TECPR2: variants seen among roughly 807,000 people sequenced by gnomAD.
TECPR2 encodes tectonin beta-propeller repeat containing 2, also known as tectonin beta-propeller repeat-containing protein 2.
TECPR2 carries 65 observed loss-of-function variants against 138.1 expected under a neutral mutation model. The observed-to-expected ratio is 0.47, with a 90% CI of 0.39 to 0.58. The LOEUF (loss-of-function observed/expected upper bound fraction) is 0.58, where lower values mean the gene tolerates loss of function less well. Ranked by LOEUF, TECPR2 falls within the 20% of genes least tolerant of loss-of-function variation. The pLI, the probability that TECPR2 is intolerant of heterozygous loss-of-function variation, is 0.00. For synonymous variants in TECPR2, 746 were observed against 749.8 expected (o/e 0.99, Z 0.08); for missense variants, 1,553 against 1,824.5 (o/e 0.85, Z 2.71).
intron 1 of TECPR2, among the ~76,000 whole-genome samples, chr14:102,368,488 G>A (rs554823182): frequency 9.2e-5 from 14 of 152,124 alleles, no homozygotes; most frequent in Non-Finnish European, 1.9e-4. Context: ...CTATAGCCAC[G>A]TGCCACTGCA....
At chr14:102,393,929 A>G (rs1468573432) in intron 2 of TECPR2, among the ~76,000 whole-genome samples, 1 of 152,218 alleles carries the variant, frequency 6.6e-6, no homozygotes, top group South Asian at 2.1e-4. Flanking sequence ...GTGCTATGAC[A>G]TGGCAAAATC....
intron 13 of TECPR2, among the ~76,000 whole-genome samples, chr14:102,447,963 G>A (rs981318950): frequency 5.3e-5 from 8 of 152,110 alleles, no homozygotes; most frequent in Non-Finnish European, 8.8e-5. Context: ...AGAAAAATGA[G>A]TTGTGTTTAC....
At chr14:102,477,764 G>A (rs1223808916) in intron 17 of TECPR2, among the ~76,000 whole-genome samples, 10 of 126,420 alleles carry the variant, frequency 7.9e-5, no homozygotes, top group East Asian at 2.4e-4. Flanking sequence ...GTTTTACCAC[G>A]TTAGCCAGGA....
chr14:102,404,195 C>T lies in TECPR2; in HGVS notation c.220-3143C>T, dbSNP rs1419290220. ...GTGGGATTACAGGCATGAATCACCCCGACTAGCCTGACTTAATATTGTTAA... is the reference window on the plus strand; with the variant it reads ...GTGGGATTACAGGCATGAATCACCCTGACTAGCCTGACTTAATATTGTTAA... On this transcript the variant is annotated intron_variant, in intron 2 of 19. Coordinates refer to ENST00000359520, the MANE Select transcript of TECPR2 (RefSeq NM_014844.5). Among the ~76,000 whole-genome samples the T allele has an allele frequency of 4.0e-5, 6 of 151,894 alleles. No homozygotes were observed. The East Asian group carries it at 1.2e-3, about 29-fold the overall frequency.
chr14:102,384,713 GTA>G (rs549603970), intron 2 of TECPR2, among the ~76,000 whole-genome samples: 3 of 147,646 alleles, frequency 2.0e-5, no homozygotes, highest in African/African-American at 2.5e-5. Context: ...GTGTGTGTGT[GTA>G]TATATATATA....
intron 2 of TECPR2, among the ~76,000 whole-genome samples, chr14:102,398,746 T>A (rs1398805423): frequency 2.0e-5 from 3 of 152,040 alleles, no homozygotes; most frequent in Admixed American, 6.6e-5. Context: ...TCTCAGGTCC[T>A]CGGGAGGCTA....
chr14:102,405,903 G>A (rs1959073015), intron 2 of TECPR2, among the ~76,000 whole-genome samples: 1 of 152,108 alleles, frequency 6.6e-6, no homozygotes, highest in African/African-American at 2.4e-5. Context: ...TGAAGATACT[G>A]TGTTAAGGAG....
chr14:102,381,284 G>A (rs1452147612), intron 2 of TECPR2, among the ~76,000 whole-genome samples: 2 of 152,160 alleles, frequency 1.3e-5, no homozygotes, highest in Non-Finnish European at 2.9e-5. Context: ...TTTTAAAGTG[G>A]CTGAGAGGCC....
rs778323946 is a variant in TECPR2 at position 102,443,812 on chromosome 14, A to G, written c.2918A>G (p.Lys973Arg). Reference protein sequence around the residue: ...SSFCPEGEQWKCDIVSERQAL... With the variant: ...SSFCPEGEQWRCDIVSERQAL... ...TTCTGTCCGGAAGGCGAGCAGTGGA[A>G]GTGTGACATTGTCAGGTACTGGCGG... Residue 973 changes from lysine (K) to arginine (R), a missense_variant, in exon 12 of 20, where the codon AAG (lysine) becomes AGG (arginine). Transcript: ENST00000359520. The surrounding 1 kb of genome is among the most constrained non-coding windows in gnomAD (Gnocchi z 4.9). 12 of 1,592,622 alleles carry G rather than the reference A, an allele frequency of 7.5e-6. No homozygotes were observed. The Admixed American group carries it at 1.9e-4, about 25-fold the overall frequency.
At chr14:102,414,502 G>A in intron 4 of TECPR2, 134 bp from the exon 5 acceptor site, 1 of 1,064,986 alleles carries the variant, frequency 9.4e-7, no homozygotes, top group South Asian at 1.6e-5. Flanking sequence ...AATCTGCAGA[G>A]AGTGAAAGCA....
chr14:102,365,031 G>A (rs143081337), intron 1 of TECPR2, among the ~76,000 whole-genome samples: 1 of 152,294 alleles, frequency 6.6e-6, no homozygotes, highest in Non-Finnish European at 1.5e-5. Context: ...TAAAATGAAT[G>A]TATTCTTTGG....
At chr14:102,399,702 G>A (rs1888417660) in intron 2 of TECPR2, among the ~76,000 whole-genome samples, 1 of 152,126 alleles carries the variant, frequency 6.6e-6, no homozygotes, top group Admixed American at 6.5e-5. Context: ...GGTGGCTTGT[G>A]CCTGTAGTCC....
At chr14:102,369,684 G>A (rs1460910690) in intron 1 of TECPR2, among the ~76,000 whole-genome samples, 1 of 152,138 alleles carries the variant, frequency 6.6e-6, no homozygotes, top group East Asian at 1.9e-4. Flanking sequence ...GCTCACGCCT[G>A]TAATCCCAGC....
At chr14:102,478,626 G>A (rs1239816962) in intron 17 of TECPR2, among the ~76,000 whole-genome samples, 3 of 151,550 alleles carry the variant, frequency 2.0e-5, no homozygotes, top group Non-Finnish European at 4.4e-5. Flanking sequence ...TCCAGCCTGG[G>A]TGACAGAATG....
intron 16 of TECPR2, among the ~76,000 whole-genome samples, chr14:102,462,376 C>A (rs1435435700): frequency 6.6e-6 from 1 of 152,084 alleles, no homozygotes; most frequent in Admixed American, 6.6e-5. Flanking sequence ...GTAAAACATT[C>A]TGTACAAGAT....
intron 17 of TECPR2, among the ~76,000 whole-genome samples, chr14:102,479,546 G>A (rs1200313334): frequency 6.6e-6 from 1 of 152,190 alleles, no homozygotes; most frequent in African/African-American, 2.4e-5. Context: ...CCCAAATGGA[G>A]AAGGTCTGCA....
chr14:102,428,276 C>T lies in TECPR2; in HGVS notation c.978C>T (p.Ser326=), dbSNP rs142082203. 4.3e-4 allele frequency: 673 copies of T among 1,566,432 alleles called. No homozygotes were observed. Among genetic ancestry groups the T allele is most frequent in the Non-Finnish European group, 5.5e-4 (634 of 1,156,120 alleles). ...CCACAGTTGCTGGTTTGGAAGGATC[C>T]GGTGATATTGTGTCTGTTTCGTGCA... ...NQATVAGLEG[S]GDIVSVSCTE... Residue 326 remains serine (S), a synonymous_variant, in exon 7 of 20, where the codon TCC becomes TCT. Transcript: ENST00000359520.
In TECPR2 at chr14:102,434,840, G is replaced by A. The variant is rs780489235; in HGVS notation, c.2023G>A (p.Val675Met). 2.0e-5 allele frequency: 33 copies of A among 1,613,396 alleles called. No individual in the cohort carries two copies. In the South Asian group the frequency reaches 2.1e-4, roughly 10 times the overall value. The change falls in exon 9 of 20, where the codon GTG (valine) becomes ATG (methionine). Residue 675 changes from valine (V) to methionine (M), a missense_variant. Val to Met is a conservative substitution (Grantham distance 21). Transcript: ENST00000359520. ...PGTRADEGSPVEPSQEQDILT... is the reference protein window; with the variant it reads ...PGTRADEGSPMEPSQEQDILT... Reference sequence around the variant, plus strand: ...GACCAGAGCTGATGAAGGCAGCCCCGTGGAGCCCAGCCAAGAGCAGGACAT... The same window carrying A: ...GACCAGAGCTGATGAAGGCAGCCCCATGGAGCCCAGCCAAGAGCAGGACAT...
intron 1 of TECPR2, among the ~76,000 whole-genome samples, chr14:102,373,534 G>A (rs2139652873): frequency 6.6e-6 from 1 of 152,290 alleles, no homozygotes; most frequent in South Asian, 2.1e-4. Flanking sequence ...CAGGTTAGGT[G>A]TATTAAATGT....
Sources: gnomAD v4.1 joint callset for allele counts (sites outside exome capture counted in the v4.1 genomes callset) on GRCh38, gnomAD v4.1.1 for gene constraint, Gnocchi (gnomAD v3.1) non-coding constraint, MANE v1.5 for transcripts, NCBI Gene and HGNC (gene_info 2026-07-23, HGNC 2026-07-21) for gene names.